The following SMAD3 variants were observed in gnomAD, a reference collection of about 807,000 sequenced individuals.
SMAD3 encodes the protein MAD homolog 3.
Under a neutral mutation model 51.8 loss-of-function variants are expected in SMAD3, and 12 were observed. The ratio of observed to expected loss-of-function variants is 0.23; its 90% confidence interval spans 0.15 to 0.38. The LOEUF is 0.38. Ranked by LOEUF, SMAD3 falls within the 10% of genes least tolerant of loss-of-function variation. The pLI is 1.00. For synonymous variants in SMAD3, 238 were observed against 227.7 expected, an observed-to-expected ratio of 1.05 and a Z score of -0.41; for missense variants, 294 against 565.6, an observed-to-expected ratio of 0.52 and a Z score of 4.87.
intron 1 of SMAD3, chr15:67,098,822 G>A (rs576933372): frequency 1.1e-5 from 8 of 697,106 alleles, no homozygotes; most frequent in African/African-American, 1.7e-5. Flanking sequence ...GGGTCTGAGG[G>A]CCCACTGTTG....
chr15:67,113,870 G>A (rs563457555), intron 1 of SMAD3, among the ~76,000 whole-genome samples: 151 of 152,274 alleles, frequency 9.9e-4, no homozygotes, highest in African/African-American at 3.3e-3. Context: ...ACATCTCCCT[G>A]TAGTGCTTAG....
At chr15:67,082,147 C>T (rs1184790548) in intron 1 of SMAD3, among the ~76,000 whole-genome samples, 1 of 151,862 alleles carries the variant, frequency 6.6e-6, no homozygotes, top group Admixed American at 6.6e-5. Flanking sequence ...AGAGATAGTG[C>T]TATAATTGTG....
chr15:67,163,835 A>G (rs1962495598), intron 1 of SMAD3, among the ~76,000 whole-genome samples: 2 of 151,244 alleles, frequency 1.3e-5, no homozygotes, highest in Admixed American at 1.3e-4. Context: ...GCTACTTGGG[A>G]AGCTGAGCTG....
At chr15:67,112,452 C>T (rs1042898266) in intron 1 of SMAD3, among the ~76,000 whole-genome samples, 5 of 132,932 alleles carry the variant, frequency 3.8e-5, no homozygotes, top group African/African-American at 1.5e-4. Context: ...TGAGCCACCA[C>T]ACCCGGCTAG....
At chr15:67,184,603 TG>T in intron 6 of SMAD3, 123 bp from the exon 7 acceptor site, 2 of 1,232,168 alleles carry the variant, frequency 1.6e-6, no homozygotes, top group Non-Finnish European at 2.4e-6. Flanking sequence ...CCCGTTTGCC[TG>T]GGGAAGCTGG....
intron 1 of SMAD3, among the ~76,000 whole-genome samples, chr15:67,079,184 G>A (rs1247104886): frequency 6.6e-6 from 1 of 151,940 alleles, no homozygotes; most frequent in African/African-American, 2.4e-5. Flanking sequence ...TTCTATGTTG[G>A]TCAGGCTGGT....
At chr15:67,190,286 T>C (rs1013487612) in intron 8 of SMAD3, 127 bp from the exon 9 acceptor site, 2 of 883,316 alleles carry the variant, frequency 2.3e-6, no homozygotes, top group South Asian at 1.5e-5. Flanking sequence ...GTACCGCTTC[T>C]AGGACAGCGT....
intron 1 of SMAD3, among the ~76,000 whole-genome samples, chr15:67,139,566 G>C (rs1425434055): frequency 6.6e-6 from 1 of 152,132 alleles, no homozygotes; most frequent in African/African-American, 2.4e-5. Flanking sequence ...GGTGGGTCCT[G>C]GGCTGACTGG....
intron 5 of SMAD3, among the ~76,000 whole-genome samples, chr15:67,178,991 C>G (rs1962979950): frequency 6.6e-6 from 1 of 152,204 alleles, no homozygotes; most frequent in African/African-American, 2.4e-5. Context: ...AGGCTATTTT[C>G]AAGTTCACAG....
At chr15:67,170,793 G>C in intron 5 of SMAD3, 189 bp downstream of exon 5, 1 of 584,048 alleles carries the variant, frequency 1.7e-6, no homozygotes, top group East Asian at 2.8e-5. Flanking sequence ...TGAGAACAGT[G>C]GTGGCAGGAA....
chr15:67,101,196 G>A (rs769716844), intron 1 of SMAD3, among the ~76,000 whole-genome samples: 4 of 152,160 alleles, frequency 2.6e-5, no homozygotes, highest in African/African-American at 9.7e-5. Flanking sequence ...CATACGTTTG[G>A]TGTTTGTTGG....
Position 67,170,569 on chromosome 15 carries a change from C to A in SMAD3, c.623C>A (p.Ser208Tyr). ...CACCTCGCAGGTTCTCCAAACCTAT[C>A]CCCGAATCCGATGTCCCCAGCACAT... ...HSMDAGSPNL[S>Y]PNPMSPAHNN... Residue 208 changes from serine (S) to tyrosine (Y), a missense_variant, in exon 5 of 9, where the codon TCC becomes TAC. Ser to Tyr is a moderately radical substitution (Grantham distance 144). Transcript: ENST00000327367. 2 of 1,614,002 alleles carry A rather than the reference C, an allele frequency of 1.2e-6. No homozygotes were observed. The highest frequency in any genetic ancestry group is 1.7e-6 in the Non-Finnish European group (2 of 1,179,868).
Position 67,066,064 on chromosome 15 carries a change from C to A in SMAD3, c.-91C>A, listed in dbSNP as rs1201444672. On this transcript the variant is annotated 5_prime_UTR_variant, in exon 1 of 9. Coordinates refer to ENST00000327367, the MANE Select transcript of SMAD3 (RefSeq NM_005902.4). ...GCGAAGTTTGGGCGACCGCGGCAGG[C>A]CCCGGCCGAGCTCCCCTCTGCGCCC... The A allele has an allele frequency of 1.7e-5, 15 of 863,234 alleles. No homozygotes were observed. Among genetic ancestry groups the A allele is most frequent in the Middle Eastern group, 3.7e-4 (1 of 2,672 alleles). The allele number at this position is 863,234 out of a possible 1,614,324, so 53.5% of individuals were successfully genotyped here.
intron 1 of SMAD3, among the ~76,000 whole-genome samples, chr15:67,147,802 T>C (rs1962019979): frequency 6.6e-6 from 1 of 152,176 alleles, no homozygotes; most frequent in Non-Finnish European, 1.5e-5. Flanking sequence ...CAACCTCCTC[T>C]CTCAGGAAGT....
chr15:67,186,775 C>A, intron 7 of SMAD3: 1 of 286,312 alleles, frequency 3.5e-6, no homozygotes. Context: ...TCTCTCCTTA[C>A]CTCCTAGCCC....
intron 1 of SMAD3, among the ~76,000 whole-genome samples, chr15:67,153,298 C>T (rs1029186132): frequency 2.6e-5 from 4 of 152,180 alleles, no homozygotes; most frequent in Non-Finnish European, 5.9e-5. Context: ...TTGAGACCAG[C>T]CTGGCCAATA....
intron 1 of SMAD3, among the ~76,000 whole-genome samples, chr15:67,117,339 G>A (rs1441548280): frequency 6.6e-6 from 1 of 152,190 alleles, no homozygotes; most frequent in Non-Finnish European, 1.5e-5. Flanking sequence ...AGCAGGCATG[G>A]TTTTGTTCTG....
chr15:67,091,346 AGGCGGTTT>A (rs1430875529), intron 1 of SMAD3, among the ~76,000 whole-genome samples: 1 of 152,216 alleles, frequency 6.6e-6, no homozygotes, highest in Non-Finnish European at 1.5e-5. Context: ...AAATGGCTGA[AGGCGGTTT>A]GGGGTGTTGC....
chr15:67,095,112 C>T (rs1156241254), intron 1 of SMAD3, among the ~76,000 whole-genome samples: 5 of 152,182 alleles, frequency 3.3e-5, no homozygotes, highest in Non-Finnish European at 7.3e-5. Context: ...GTCCCTTCCT[C>T]TCCCCTTGGT....
Sources: allele counts gnomAD v4.1 joint callset (sites outside exome capture counted in the v4.1 genomes callset), GRCh38; gene constraint gnomAD v4.1.1; transcripts MANE v1.5; gene names NCBI Gene and HGNC (gene_info 2026-07-23, HGNC 2026-07-21).